Variants in TMEM161A observed in about 807,000 individuals in gnomAD.
TMEM161A encodes adaptive response to oxidative stress protein 29.
Under a neutral mutation model 57.1 loss-of-function variants are expected in TMEM161A, and 46 were observed. That is an observed-to-expected ratio of 0.81 (90% confidence interval 0.64 to 1.03). The LOEUF (loss-of-function observed/expected upper bound fraction) is 1.03. Ranked by LOEUF, TMEM161A falls within the 50% of genes least tolerant of loss-of-function variation. The probability of loss-of-function intolerance (pLI) is 0.00; values close to 1 mark genes in which losing one functional copy is unlikely to be tolerated. For missense variants in TMEM161A, 601 were observed against 621.5 expected (o/e 0.97, Z 0.35); for synonymous variants, 288 against 279.0 (o/e 1.03, Z -0.32).
chr19:19,132,482 A>G lies in TMEM161A; in HGVS notation c.313T>C (p.Trp105Arg). The part of the protein sequence containing the change: ...LVLRFFLEYQ[W>R]FVDFAVYSGG... ...GAGTACACAGCAAAGTCCACAAACC[A>G]CTGGTACTCCAGGAAGAAGCGCAGG... The change falls in exon 5 of 12, where the codon TGG becomes CGG. Residue 105 changes from tryptophan to arginine, a missense_variant. Coordinates refer to ENST00000162044, the MANE Select transcript of TMEM161A (RefSeq NM_017814.3). This position sits in a 1 kb window ranked among gnomAD's most constrained non-coding sequence, Gnocchi z 4.3. 6.2e-7 allele frequency: 1 copy of G among 1,614,092 alleles called. No homozygotes were observed. The highest frequency in any genetic ancestry group is 8.5e-7 in the Non-Finnish European group (1 of 1,179,976).
At chr19:19,129,633 C>T (rs934042108) in intron 6 of TMEM161A, among the ~76,000 whole-genome samples, 18 of 152,048 alleles carry the variant, frequency 1.2e-4, no homozygotes, top group African/African-American at 4.1e-4. Context: ...AGAGGCCACA[C>T]ACAGTGGCTC....
intron 6 of TMEM161A, among the ~76,000 whole-genome samples, chr19:19,122,782 AAG>A (rs1491019537): frequency 6.6e-6 from 1 of 151,804 alleles, no homozygotes; most frequent in Non-Finnish European, 1.5e-5. Flanking sequence ...AAAAAAAAAA[AAG>A]GAGCAAATTC....
chr19:19,121,456 G>C lies in TMEM161A; in HGVS notation c.801-35C>G. The C allele has an allele frequency of 6.2e-7, 1 of 1,613,536 alleles. No individual in the cohort carries two copies. Among genetic ancestry groups the C allele is most frequent in the Non-Finnish European group, 8.5e-7 (1 of 1,179,574 alleles). ...GAGGGCAGGAGGGAGTGAGGCCTGG[G>C]TACCCCCTCTCCTCGAGTCTCTCCC... is the stretch of plus-strand genomic sequence containing the variant. On this transcript the variant is annotated intron_variant, in intron 8 of 11. Transcript: ENST00000162044. The surrounding 1 kb of genome is among the most constrained non-coding windows in gnomAD (Gnocchi z 5.8).
At chr19:19,126,151 C>T (rs907439489) in intron 6 of TMEM161A, among the ~76,000 whole-genome samples, 3 of 113,524 alleles carry the variant, frequency 2.6e-5, no homozygotes, top group African/African-American at 7.1e-5. Flanking sequence ...GGGGAAAGAG[C>T]GAGACTCTGT....
chr19:19,133,565 C>T (rs1016538700), intron 2 of TMEM161A, among the ~76,000 whole-genome samples: 15 of 152,058 alleles, frequency 9.9e-5, no homozygotes, highest in African/African-American at 3.1e-4. Flanking sequence ...TCCACTTCCC[C>T]GGTTCAAGTG....
chr19:19,127,531 C>T (rs143347624), intron 6 of TMEM161A, among the ~76,000 whole-genome samples: 2,522 of 152,006 alleles, frequency 0.017, 68 homozygotes, highest in African/African-American at 0.057. Context: ...ACCATGTTAG[C>T]CAGGATGGTC....
In TMEM161A at chr19:19,130,231, C is replaced by T; in HGVS notation, c.520G>A (p.Ala174Thr). 1 of 1,613,990 alleles carries T rather than the reference C, an allele frequency of 6.2e-7. No individual in the cohort carries two copies. Among genetic ancestry groups the T allele is most frequent in the Non-Finnish European group, 8.5e-7 (1 of 1,180,036 alleles). ...ATGGCCAGCAGCAGGAAGAGGAAGG[C>T]AAAGGTGAGGCAGACAGAGCGCTCA... ...GGERSVCLTF[A>T]FLFLLLAMLV... The change falls in exon 6 of 12, where the codon GCC becomes ACC. Residue 174 changes from alanine (A) to threonine (T), a missense_variant. Ala to Thr is a moderately conservative substitution (Grantham distance 58, BLOSUM62 0). Coordinates refer to ENST00000162044, the MANE Select transcript of TMEM161A (RefSeq NM_017814.3).
At position 19,120,039 on chromosome 19, in the gene TMEM161A, G is replaced by A. The variant is rs779335342; in HGVS notation, c.1331C>T (p.Pro444Leu). The change falls in exon 12 of 12, where the codon CCC (proline) becomes CTC (leucine). Residue 444 changes from proline (P) to leucine (L), a missense_variant. Coordinates refer to ENST00000162044, the MANE Select transcript of TMEM161A (RefSeq NM_017814.3). ...IAGALGGLLT[P>L]LFLRGVLAYL... ...GGCCAGGACGCCACGGAGGAAGAGG[G>A]GAGTAAGCAGGCCACCCAGAGCCCC... The A allele has an allele frequency of 3.7e-6, 6 of 1,601,258 alleles. No homozygotes were observed. The highest frequency in any genetic ancestry group is 1.1e-5 in the South Asian group (1 of 88,922).
Position 19,132,011 on chromosome 19 carries a change from T to C in TMEM161A, c.443+341A>G, listed in dbSNP as rs1392570743. On this transcript the variant is annotated intron_variant, in intron 5 of 11. Transcript: ENST00000162044. This position sits in a 1 kb window ranked among gnomAD's most constrained non-coding sequence, Gnocchi z 4.3. ...GGGACCATATCTTTCTTGGCCCTGATTGTGGACTGGCCTGGTGATTTCCTT... is the reference window on the plus strand; with the variant it reads ...GGGACCATATCTTTCTTGGCCCTGACTGTGGACTGGCCTGGTGATTTCCTT... 6.6e-6 allele frequency among the ~76,000 whole-genome samples: 1 copy of C among 152,198 alleles called. No homozygotes were observed. Among genetic ancestry groups the C allele is most frequent in the African/African-American group, 2.4e-5 (1 of 41,460 alleles).
chr19:19,121,733 C>T lies in TMEM161A; in HGVS notation c.656+26G>A. The stretch of plus-strand genomic sequence containing the variant: ...TGGGAGGGTCCCAGCCTGCCCTTGC[C>T]TCCCTCCCCCATTCCCAGGACTCAC... On this transcript the variant is annotated intron_variant, in intron 7 of 11. Coordinates refer to ENST00000162044, the MANE Select transcript of TMEM161A (RefSeq NM_017814.3). The surrounding 1 kb of genome is among the most constrained non-coding windows in gnomAD (Gnocchi z 5.8). The T allele has an allele frequency of 2.5e-6, 4 of 1,613,726 alleles. No individual in the cohort carries two copies. The highest frequency in any genetic ancestry group is 3.4e-6 in the Non-Finnish European group (4 of 1,179,722).
At chr19:19,133,284 A>T (rs763626789) in intron 2 of TMEM161A, 74 bp from the exon 3 acceptor site, 9 of 1,378,450 alleles carry the variant, frequency 6.5e-6, no homozygotes, top group Non-Finnish European at 8.2e-6. Flanking sequence ...CCCCAAATCC[A>T]GGGATTCTAG....
At chr19:19,130,367 C>A in intron 5 of TMEM161A, 60 bp from the exon 6 acceptor site, 1 of 1,598,226 alleles carries the variant, frequency 6.3e-7, no homozygotes, top group Non-Finnish European at 8.5e-7. Flanking sequence ...CATTTCACCA[C>A]ACTCCGTCTG....
At chr19:19,138,293 G>T in intron 1 of TMEM161A, 133 bp downstream of exon 1, 1 of 1,326,936 alleles carries the variant, frequency 7.5e-7, no homozygotes, top group Non-Finnish European at 1.1e-6. Context: ...ACGGCCTTCA[G>T]CGTGCCCCCG....
At chr19:19,123,464 A>G (rs1186448464) in intron 6 of TMEM161A, among the ~76,000 whole-genome samples, 1 of 152,234 alleles carries the variant, frequency 6.6e-6, no homozygotes, top group East Asian at 1.9e-4. Flanking sequence ...CTGACAGCCA[A>G]TGTCAACTGC....
At chr19:19,123,486 A>G (rs2059919230) in intron 6 of TMEM161A, among the ~76,000 whole-genome samples, 1 of 152,222 alleles carries the variant, frequency 6.6e-6, no homozygotes, top group Non-Finnish European at 1.5e-5. Flanking sequence ...ACAACAGAAA[A>G]GGAACAAATA....
chr19:19,127,916 G>T (rs1040699289), intron 6 of TMEM161A, among the ~76,000 whole-genome samples: 7 of 152,048 alleles, frequency 4.6e-5, no homozygotes, highest in African/African-American at 1.7e-4. Flanking sequence ...CTCCAGCCTC[G>T]GTGACAGAGT....
chr19:19,125,580 G>A (rs1231684246), intron 6 of TMEM161A, among the ~76,000 whole-genome samples: 2 of 149,344 alleles, frequency 1.3e-5, no homozygotes, highest in African/African-American at 2.5e-5. Context: ...GCAGTGGCGC[G>A]ATCTTGGCTC....
Position 19,125,981 on chromosome 19 carries a change from G to A in TMEM161A, c.596-4162C>T, listed in dbSNP as rs555156973. Among the ~76,000 whole-genome samples, 11 of 143,596 alleles carry A rather than the reference G, an allele frequency of 7.7e-5. No individual in the cohort carries two copies. In the East Asian group the frequency reaches 2.3e-3, roughly 30 times the overall value. The allele number at this position is 143,596 out of a possible 152,430, so 94.2% of individuals were successfully genotyped here. On this transcript the variant is annotated intron_variant, in intron 6 of 11. Coordinates refer to ENST00000162044, the MANE Select transcript of TMEM161A (RefSeq NM_017814.3). The stretch of plus-strand genomic sequence containing the variant: ...CCATCTCTAGTAAAAAATACAAAAA[G>A]TAGGCCGGGCACGGTGGCTCGCGCC...
chr19:19,120,850 G>A lies in TMEM161A; in HGVS notation c.1101C>T (p.Val367=). Residue 367 remains valine (V), a synonymous_variant, in exon 11 of 12, where the codon GTC becomes GTT. Coordinates refer to ENST00000162044, the MANE Select transcript of TMEM161A (RefSeq NM_017814.3). ...AGCTCACCACGGTCACATAGCAGTAGACTCGGACCACCTGTGGGCAGGTAG... is the reference window on the plus strand; with the variant it reads ...AGCTCACCACGGTCACATAGCAGTAAACTCGGACCACCTGTGGGCAGGTAG... ...AREIQQRVVR[V]YCYVTVVSLQ... 9 of 1,613,398 alleles carry A rather than the reference G, an allele frequency of 5.6e-6. No homozygotes were observed. The highest frequency in any genetic ancestry group is 7.6e-6 in the Non-Finnish European group (9 of 1,180,026).
Sources: gnomAD v4.1 joint callset for allele counts (sites outside exome capture counted in the v4.1 genomes callset) on GRCh38, gnomAD v4.1.1 for gene constraint, Gnocchi (gnomAD v3.1) non-coding constraint, MANE v1.5 for transcripts, NCBI Gene and HGNC (gene_info 2026-07-23, HGNC 2026-07-21) for gene names.